RMDN2: variants seen among roughly 807,000 people sequenced by gnomAD.
RMDN2 encodes the protein regulator of microtubule dynamics 2.
In RMDN2, 61 loss-of-function variants were observed where a neutral mutation model predicts 52.8. The ratio of observed to expected loss-of-function variants is 1.16; its 90% CI spans 0.94 to 1.43. The LOEUF (loss-of-function observed/expected upper bound fraction) is 1.43. RMDN2 is among the 40% of genes most tolerant of loss of function. RMDN2 has a pLI of 0.00. For synonymous variants in RMDN2, 180 were observed against 153.1 expected, an observed-to-expected ratio of 1.18 and a Z score of -1.30; for missense variants, 592 against 475.3, an observed-to-expected ratio of 1.25 and a Z score of -2.28.
intron 10 of RMDN2, among the ~76,000 whole-genome samples, chr2:38,028,433 A>T (rs1027213031): frequency 2.6e-5 from 4 of 152,190 alleles, no homozygotes; most frequent in African/African-American, 9.7e-5. Flanking sequence ...TTTTCTATTG[A>T]AAGGATAGAG....
intron 2 of RMDN2, among the ~76,000 whole-genome samples, chr2:37,932,577 G>C (rs1010506192): frequency 2.7e-5 from 4 of 150,758 alleles, no homozygotes; most frequent in Non-Finnish European, 5.9e-5. Context: ...GAGCTGTTGG[G>C]TACACCTCCC....
chr2:38,056,008 A>G (rs1406804171), intron 10 of RMDN2, among the ~76,000 whole-genome samples: 1 of 152,200 alleles, frequency 6.6e-6, no homozygotes, highest in East Asian at 1.9e-4. Flanking sequence ...ACACACACAC[A>G]AATACACACA....
At chr2:37,958,349 G>A (rs1258929699) in intron 2 of RMDN2, among the ~76,000 whole-genome samples, 1 of 144,702 alleles carries the variant, frequency 6.9e-6, no homozygotes, top group Non-Finnish European at 1.5e-5. Flanking sequence ...TCTTCTTGAA[G>A]AAGTCCTTCA....
intron 10 of RMDN2, among the ~76,000 whole-genome samples, chr2:38,042,544 C>T (rs1369734754): frequency 1.3e-5 from 2 of 150,946 alleles, no homozygotes; most frequent in African/African-American, 2.4e-5. Context: ...CTGCTTTCTT[C>T]CGGCTTATAT....
At chr2:37,997,574 G>A in intron 8 of RMDN2, 60 bp downstream of exon 8, 1 of 1,073,784 alleles carries the variant, frequency 9.3e-7, no homozygotes, top group Non-Finnish European at 1.4e-6. Context: ...ACCAATCCCT[G>A]CTGCCGTTGT....
chr2:37,947,083 G>A (rs954685069), intron 2 of RMDN2, among the ~76,000 whole-genome samples: 71 of 151,658 alleles, frequency 4.7e-4, no homozygotes, highest in African/African-American at 1.7e-3. Flanking sequence ...AGATTTAGAG[G>A]GTAAAAATGC....
downstream of RMDN2, among the ~76,000 whole-genome samples, chr2:38,022,129 A>G (rs1433538720): frequency 1.3e-5 from 2 of 152,220 alleles, no homozygotes; most frequent in African/African-American, 2.4e-5. Context: ...TTAGTTACTC[A>G]CAACGGATAT....
Position 37,938,591 on chromosome 2 carries a change from G to T in RMDN2, c.452+8862G>T, listed in dbSNP as rs899976421. ...TTCAGAACTTGTTATTGGTCTATTC[G>T]GGGATTTGACTTCTTCCTGGTTTAG... is the stretch of plus-strand genomic sequence containing the variant. On this transcript the variant is annotated intron_variant, in intron 2 of 10. Coordinates refer to ENST00000354545, the MANE Select transcript of RMDN2 (RefSeq NM_001170791.3). Among the ~76,000 whole-genome samples, 5 of 152,054 alleles carry T rather than the reference G, an allele frequency of 3.3e-5. No homozygotes were observed. The South Asian group carries it at 1.0e-3, about 31-fold the overall frequency.
intron 10 of RMDN2, among the ~76,000 whole-genome samples, chr2:38,006,829 C>T (rs1433936297): frequency 6.6e-6 from 1 of 152,156 alleles, no homozygotes. Context: ...CCGTACGATA[C>T]TGGCTGTGGG....
rs191392685 is a variant in RMDN2 at position 37,937,052 on chromosome 2, C to T, written c.452+7323C>T. Among the ~76,000 whole-genome samples the T allele has an allele frequency of 1.1e-4, 17 of 152,068 alleles. No individual in the cohort carries two copies. The East Asian group carries it at 3.3e-3, about 29-fold the overall frequency. ...GGTCTTAACGCTTAAGTCTTTAATCCAATCCATCTTGAGTTAATTTTTTGT... is the reference window on the plus strand; with the variant it reads ...GGTCTTAACGCTTAAGTCTTTAATCTAATCCATCTTGAGTTAATTTTTTGT... On this transcript the variant is annotated intron_variant, in intron 2 of 10. Transcript: ENST00000354545.
chr2:37,965,725 G>A (rs192051325), intron 2 of RMDN2, among the ~76,000 whole-genome samples: 8 of 152,166 alleles, frequency 5.3e-5, no homozygotes, highest in Non-Finnish European at 5.9e-5. Context: ...ATTTTTGTAT[G>A]GTTCAAGTGA....
At chr2:37,996,060 C>G (rs1444810413) in intron 7 of RMDN2, among the ~76,000 whole-genome samples, 1 of 152,070 alleles carries the variant, frequency 6.6e-6, no homozygotes, top group Non-Finnish European at 1.5e-5. Context: ...TACAGAGACT[C>G]ACAAATGTGC....
intron 1 of RMDN2, among the ~76,000 whole-genome samples, chr2:37,927,993 T>C (rs1446129649): frequency 6.6e-6 from 1 of 152,150 alleles, no homozygotes; most frequent in Non-Finnish European, 1.5e-5. Flanking sequence ...TCCAGGCAAA[T>C]TTCTGTGAGG....
At chr2:38,036,418 C>G (rs900007632) in intron 10 of RMDN2, 9 of 152,246 alleles carry the variant, frequency 5.9e-5, no homozygotes, top group Non-Finnish European at 8.8e-5. Context: ...CAGGCACTCA[C>G]TTCACTGTTG....
intron 10 of RMDN2, among the ~76,000 whole-genome samples, chr2:38,059,106 G>GA (rs1357769637): frequency 6.6e-6 from 1 of 152,200 alleles, no homozygotes; most frequent in Non-Finnish European, 1.5e-5. Context: ...CGCTATGATG[G>GA]AAGCGTTTTA....
chr2:37,968,132 G>T (rs909395333), intron 2 of RMDN2, among the ~76,000 whole-genome samples: 1 of 152,128 alleles, frequency 6.6e-6, no homozygotes, highest in Non-Finnish European at 1.5e-5. Flanking sequence ...CAGAAAGTCT[G>T]TTGTTAGGCT....
At chr2:38,056,302 C>T (rs183355988) in intron 10 of RMDN2, among the ~76,000 whole-genome samples, 1 of 152,264 alleles carries the variant, frequency 6.6e-6, no homozygotes, top group East Asian at 1.9e-4. Flanking sequence ...CTTTCCTAAC[C>T]CTCATGTCCA....
Position 37,974,625 on chromosome 2 carries a change from C to G in RMDN2, c.627+411C>G, listed in dbSNP as rs1672227244. The G allele has an allele frequency of 5.6e-5, 8 of 142,792 alleles. No homozygotes were observed. In the Admixed American group the frequency reaches 5.7e-4, roughly 10 times the overall value. The allele number at this position is 142,792 out of a possible 1,614,324, so 8.8% of individuals were successfully genotyped here. A position where few individuals can be genotyped will look rare whatever the true frequency, so the allele number is the denominator to read the frequency against. On this transcript the variant is annotated intron_variant, in intron 3 of 10. Coordinates refer to ENST00000354545, the MANE Select transcript of RMDN2 (RefSeq NM_001170791.3). ...GAATAAGAAAAGCCTGTCCAGAGCT[C>G]TTACCACCACCACTAAAAAAAATAA...
intron 10 of RMDN2, among the ~76,000 whole-genome samples, chr2:38,024,877 G>T (rs1679661379): frequency 6.6e-6 from 1 of 151,920 alleles, no homozygotes; most frequent in Non-Finnish European, 1.5e-5. Context: ...TTTCTATTTT[G>T]TTCCATTGAT....
Sources: allele counts gnomAD v4.1 joint callset (sites outside exome capture counted in the v4.1 genomes callset), GRCh38; gene constraint gnomAD v4.1.1; transcripts MANE v1.5; gene names NCBI Gene and HGNC (gene_info 2026-07-23, HGNC 2026-07-21).